TGM5: variants seen among roughly 807,000 people sequenced by gnomAD.
TGM5 encodes protein-glutamine gamma-glutamyltransferase 5.
Under a neutral mutation model 77.2 loss-of-function variants are expected in TGM5, and 69 were observed. That is an observed-to-expected ratio of 0.89 (90% CI 0.74 to 1.09). The LOEUF is 1.09. TGM5 is among the 50% of genes least tolerant of loss of function. TGM5 has a pLI of 0.00. For missense variants in TGM5, 842 were observed against 896.5 expected (o/e 0.94, Z 0.78); for synonymous variants, 346 against 351.8 (o/e 0.98, Z 0.18).
chr15:43,266,527 AG>A (rs144568514), intron 1 of TGM5, among the ~76,000 whole-genome samples: 3,381 of 152,300 alleles, frequency 0.022, 58 homozygotes, highest in Non-Finnish European at 0.032. Flanking sequence ...CCAATGTCAA[AG>A]GGTCAGCTAG....
intron 1 of TGM5, among the ~76,000 whole-genome samples, chr15:43,261,090 T>TTTTTTTTTTTTTTTTTTG (rs2042786609): frequency 2.4e-4 from 23 of 97,118 alleles, no homozygotes; most frequent in South Asian, 3.7e-4. Context: ...TTTTTTTTTT[T>TTTTTTTTTTTTTTTTTTG]TTTTTTTTTT....
chr15:43,249,637 A>C (rs986534598), intron 6 of TGM5, among the ~76,000 whole-genome samples: 1 of 152,190 alleles, frequency 6.6e-6, no homozygotes, highest in Admixed American at 6.5e-5. Context: ...ACCTCAGCCG[A>C]GGGCTGAGGG....
At chr15:43,263,393 G>A (rs923598106) in intron 1 of TGM5, among the ~76,000 whole-genome samples, 6 of 152,174 alleles carry the variant, frequency 3.9e-5, no homozygotes, top group Non-Finnish European at 7.4e-5. Context: ...AAACAGTATT[G>A]AAAAGTAAAT....
intron 9 of TGM5, among the ~76,000 whole-genome samples, chr15:43,237,030 C>T (rs973523944): frequency 1.3e-5 from 2 of 151,196 alleles, no homozygotes; most frequent in African/African-American, 4.9e-5. Context: ...AGCGCATCTG[C>T]GGTCTGTGCG....
chr15:43,241,285 G>T, intron 6 of TGM5: 1 of 458,882 alleles, frequency 2.2e-6, no homozygotes, highest in African/African-American at 2.0e-5. Context: ...GGACTGGCAA[G>T]CCTTTCCTTT....
chr15:43,248,796 A>G (rs1381458927), intron 6 of TGM5, among the ~76,000 whole-genome samples: 2 of 152,204 alleles, frequency 1.3e-5, no homozygotes, highest in African/African-American at 4.8e-5. Context: ...TAAGGGTAAA[A>G]ACAATGAGAA....
chr15:43,239,132 C>T lies in TGM5; in HGVS notation c.1105+31G>A, dbSNP rs372038673. Reference sequence around the variant, plus strand: ...AGGGGTGGGGTGCTTTCCACGGGAGCGGGGCCTGCCTTTCTTCTGGAGAGC... The same window carrying T: ...AGGGGTGGGGTGCTTTCCACGGGAGTGGGGCCTGCCTTTCTTCTGGAGAGC... On this transcript the variant is annotated intron_variant, in intron 8 of 12. Transcript: ENST00000220420. 266 of 1,613,994 alleles carry T rather than the reference C, an allele frequency of 1.6e-4. No homozygotes were observed. The African/African-American group carries it at 2.8e-3, about 17-fold the overall frequency.
At chr15:43,254,073 C>T (rs1379718617) in intron 4 of TGM5, among the ~76,000 whole-genome samples, 2 of 152,246 alleles carry the variant, frequency 1.3e-5, no homozygotes. Context: ...GCCAACCTGC[C>T]ATGGCACCTG....
In TGM5 at chr15:43,233,623, G is replaced by C. The variant is rs745436900; in HGVS notation, c.1940C>G (p.Ser647Trp). 1 of 1,614,054 alleles carries C rather than the reference G, an allele frequency of 6.2e-7. No individual in the cohort carries two copies. The highest frequency in any genetic ancestry group is 1.3e-5 in the African/African-American group (1 of 74,908). The change falls in exon 12 of 13, where the codon TCG becomes TGG. Residue 647 changes from serine (S) to tryptophan (W), a missense_variant. Physicochemically the swap from Ser to Trp is radical, Grantham distance 177 (BLOSUM62 -3). Around this residue, in one of 2 missense-constraint regions of TGM5, gnomAD observed 815 missense variants for 844.6 expected, o/e 0.96. Coordinates refer to ENST00000220420, the MANE Select transcript of TGM5 (RefSeq NM_201631.4). Reference protein sequence around the residue: ...SIQVIFSNPLSEQVEDCVLTV... With the variant: ...SIQVIFSNPLWEQVEDCVLTV... ...CAGCACACAGTCCTCAACCTGCTCC[G>C]AGAGGGGGTTTGAAAATATCACCTG...
chr15:43,242,580 T>C (rs2042644255), intron 6 of TGM5, among the ~76,000 whole-genome samples: 1 of 152,242 alleles, frequency 6.6e-6, no homozygotes, highest in African/African-American at 2.4e-5. Context: ...AAACATTTAA[T>C]TGTGTACAGA....
At chr15:43,254,142 A>G (rs1209577967) in intron 4 of TGM5, among the ~76,000 whole-genome samples, 1 of 152,146 alleles carries the variant, frequency 6.6e-6, no homozygotes, top group Non-Finnish European at 1.5e-5. Context: ...TTTCCCACCC[A>G]AGGCAGGCTG....
chr15:43,255,771 ACTTCCTGAAGTC>A (rs901256154), intron 4 of TGM5, among the ~76,000 whole-genome samples: 9 of 152,274 alleles, frequency 5.9e-5, no homozygotes, highest in African/African-American at 1.9e-4. Flanking sequence ...CTGGCACTGG[ACTTCCTGAAGTC>A]CCTGCTGCAG....
At chr15:43,251,166 C>T (rs982136366) in intron 6 of TGM5, among the ~76,000 whole-genome samples, 1 of 152,164 alleles carries the variant, frequency 6.6e-6, no homozygotes, top group Non-Finnish European at 1.5e-5. Context: ...ATATTCATGA[C>T]ATGGAGTCTC....
At chr15:43,261,072 G>GTTTTTTTTTTTTT (rs1566837432) in intron 1 of TGM5, among the ~76,000 whole-genome samples, 2 of 53,870 alleles carry the variant, frequency 3.7e-5, no homozygotes, top group African/African-American at 1.1e-4. Flanking sequence ...TTTTTTGTGT[G>GTTTTTTTTTTTTT]TGTGTTTTTT....
At chr15:43,244,111 C>G (rs970900857) in intron 6 of TGM5, among the ~76,000 whole-genome samples, 1 of 152,208 alleles carries the variant, frequency 6.6e-6, no homozygotes, top group Non-Finnish European at 1.5e-5. Context: ...GAAGTTTTCA[C>G]CAATGACTCC....
Position 43,240,951 on chromosome 15 carries a change from T to C in TGM5, c.902A>G (p.Asn301Ser), listed in dbSNP as rs1320510518. 9.9e-6 allele frequency: 16 copies of C among 1,614,224 alleles called. No homozygotes were observed. The highest frequency in any genetic ancestry group is 1.4e-5 in the Non-Finnish European group (16 of 1,180,052). ...CLGIPTRVITNFDSGHDTDGN... is the reference protein window; with the variant it reads ...CLGIPTRVITSFDSGHDTDGN... ...ATCTGTATCGTGGCCAGAGTCGAAG[T>C]TGGTGATCACACGGGTAGGGATCCC... The change falls in exon 7 of 13, where the codon AAC becomes AGC. Residue 301 changes from asparagine (N) to serine (S), a missense_variant. By Grantham distance (46) the Asn-to-Ser change is conservative. Around this residue, in one of 2 missense-constraint regions of TGM5, gnomAD observed 815 missense variants for 844.6 expected, o/e 0.96. Coordinates refer to ENST00000220420, the MANE Select transcript of TGM5 (RefSeq NM_201631.4).
chr15:43,242,143 C>T (rs2142362827), intron 6 of TGM5, among the ~76,000 whole-genome samples: 1 of 152,274 alleles, frequency 6.6e-6, no homozygotes, highest in East Asian at 1.9e-4. Context: ...ATTTTGAAGA[C>T]AAAGAATCAG....
chr15:43,233,436 G>A, intron 12 of TGM5, 92 bp from the exon 13 acceptor site: 1 of 1,609,712 alleles, frequency 6.2e-7, no homozygotes, highest in Non-Finnish European at 8.5e-7. Flanking sequence ...GGGAGGGAGT[G>A]CTTCCACTTT....
Position 43,233,622 on chromosome 15 carries a change from C to T in TGM5, c.1941G>A (p.Ser647=), listed in dbSNP as rs368928246. 5 of 1,614,180 alleles carry T rather than the reference C, an allele frequency of 3.1e-6. No individual in the cohort carries two copies. Among genetic ancestry groups the T allele is most frequent in the African/African-American group, 1.3e-5 (1 of 75,022 alleles). Residue 647 remains serine (S), a synonymous_variant, in exon 12 of 13, where the codon TCG becomes TCA. Transcript: ENST00000220420. The part of the protein sequence containing the change: ...SIQVIFSNPL[S]EQVEDCVLTV... ...TCAGCACACAGTCCTCAACCTGCTC[C>T]GAGAGGGGGTTTGAAAATATCACCT...
Sources: allele counts gnomAD v4.1 joint callset (sites outside exome capture counted in the v4.1 genomes callset), GRCh38; gene constraint gnomAD v4.1.1; regional missense constraint gnomAD v4.1.1; transcripts MANE v1.5; gene names NCBI Gene and HGNC (gene_info 2026-07-23, HGNC 2026-07-21).